ARL15: variants seen among roughly 807,000 people sequenced by gnomAD.
The protein encoded by ARL15 is ARF like GTPase 15.
Under a neutral mutation model 25.2 loss-of-function variants are expected in ARL15, and 19 were observed. The ratio of observed to expected loss-of-function variants is 0.75; its 90% CI spans 0.53 to 1.10. The LOEUF (loss-of-function observed/expected upper bound fraction) is 1.10, where lower values mean the gene tolerates loss of function less well. Ranked by LOEUF, ARL15 falls within the 50% of genes least tolerant of loss-of-function variation. The probability of loss-of-function intolerance (pLI) is 0.00; values close to 1 mark genes in which losing one functional copy is unlikely to be tolerated. For synonymous variants in ARL15, 94 were observed against 86.8 expected (o/e 1.08, Z -0.46); for missense variants, 220 against 246.0 (o/e 0.89, Z 0.71).
chr5:53,919,243 C>G lies in ARL15; in HGVS notation c.463-32530G>C, dbSNP rs367643880. Among the ~76,000 whole-genome samples, 15 of 152,262 alleles carry G rather than the reference C, an allele frequency of 9.9e-5. No homozygotes were observed. The South Asian group carries it at 3.1e-3, about 32-fold the overall frequency. ...CGAGGTGTGTGCCAAAGGTGTTATC[C>G]AATATACTGAGTGGTAAATAGCAAA... On this transcript the variant is annotated intron_variant, in intron 4 of 4. Coordinates refer to ENST00000504924, the MANE Select transcript of ARL15 (RefSeq NM_019087.3).
At chr5:54,114,403 C>CAAAAAAAAAAA (rs1326500976) in intron 3 of ARL15, among the ~76,000 whole-genome samples, 1 of 3,686 alleles carries the variant, frequency 2.7e-4, no homozygotes, top group African/African-American at 1.8e-3. Context: ...GGCTCCATCT[C>CAAAAAAAAAAA]AAGAAAAAAA....
intron 4 of ARL15, among the ~76,000 whole-genome samples, chr5:53,963,410 C>T (rs529548928): frequency 1.3e-5 from 2 of 152,246 alleles, no homozygotes; most frequent in South Asian, 4.1e-4. Flanking sequence ...GGTCTTCTGA[C>T]ATGAAAGGCA....
chr5:54,084,433 A>AG (rs1027553931), intron 4 of ARL15, among the ~76,000 whole-genome samples: 1 of 151,710 alleles, frequency 6.6e-6, no homozygotes, highest in Non-Finnish European at 1.5e-5. Context: ...TCAAAAAAAA[A>AG]AAAAAGAGAG....
chr5:53,917,330 A>G (rs1357170867), intron 4 of ARL15, among the ~76,000 whole-genome samples: 5 of 152,196 alleles, frequency 3.3e-5, no homozygotes, highest in African/African-American at 1.2e-4. Flanking sequence ...TTGATGGAGA[A>G]TTACTCCATT....
chr5:54,161,464 T>C (rs1276015757), intron 2 of ARL15, among the ~76,000 whole-genome samples: 1 of 152,232 alleles, frequency 6.6e-6, no homozygotes, highest in Non-Finnish European at 1.5e-5. Context: ...TTACCAGCAC[T>C]GACTCGTCTC....
chr5:54,230,358 A>AAAAAG (rs1288489069), intron 1 of ARL15, among the ~76,000 whole-genome samples: 21 of 151,002 alleles, frequency 1.4e-4, no homozygotes, highest in East Asian at 5.8e-4. Flanking sequence ...AAAAAAAAAA[A>AAAAAG]AAAAGAAAAG....
At chr5:54,299,704 C>T (rs1161489788) in intron 1 of ARL15, among the ~76,000 whole-genome samples, 1 of 150,942 alleles carries the variant, frequency 6.6e-6, no homozygotes, top group Non-Finnish European at 1.5e-5. Flanking sequence ...ATTCTCCTGC[C>T]TCAGCTTCCC....
intron 1 of ARL15, among the ~76,000 whole-genome samples, chr5:54,304,860 C>A (rs1379021031): frequency 6.6e-6 from 1 of 150,534 alleles, no homozygotes; most frequent in Non-Finnish European, 1.5e-5. Context: ...TTTTTTTTAT[C>A]AATAAAGAAG....
chr5:54,232,872 C>A (rs1756710306), intron 1 of ARL15, among the ~76,000 whole-genome samples: 2 of 152,200 alleles, frequency 1.3e-5, no homozygotes, highest in Non-Finnish European at 2.9e-5. Flanking sequence ...ACACCCAGTT[C>A]TATGCTTCTC....
intron 3 of ARL15, among the ~76,000 whole-genome samples, chr5:54,117,649 A>T (rs767178071): frequency 6.6e-5 from 10 of 152,196 alleles, no homozygotes; most frequent in Non-Finnish European, 1.3e-4. Context: ...ATACCAAAGT[A>T]GACAGTTGAT....
chr5:53,897,267 T>C (rs1438231797), intron 4 of ARL15, among the ~76,000 whole-genome samples: 1 of 152,210 alleles, frequency 6.6e-6, no homozygotes, highest in Non-Finnish European at 1.5e-5. Flanking sequence ...CTTCAGCCTT[T>C]AGCAACCACT....
intron 1 of ARL15, among the ~76,000 whole-genome samples, chr5:54,233,480 G>A (rs2112559850): frequency 6.6e-6 from 1 of 152,278 alleles, no homozygotes; most frequent in Non-Finnish European, 1.5e-5. Context: ...TCATGAACTT[G>A]ACATATTTAC....
At chr5:54,188,197 C>A (rs2112449741) in intron 1 of ARL15, among the ~76,000 whole-genome samples, 1 of 152,208 alleles carries the variant, frequency 6.6e-6, no homozygotes, top group South Asian at 2.1e-4. Flanking sequence ...AATAAAGGTC[C>A]TTGGCTAACA....
chr5:53,898,760 T>C (rs1162751021), intron 4 of ARL15, among the ~76,000 whole-genome samples: 1 of 151,710 alleles, frequency 6.6e-6, no homozygotes, highest in Non-Finnish European at 1.5e-5. Context: ...GCCTGGAACC[T>C]TCCAACCTCA....
intron 1 of ARL15, among the ~76,000 whole-genome samples, chr5:54,298,662 G>A (rs752051461): frequency 3.3e-5 from 5 of 151,790 alleles, no homozygotes; most frequent in South Asian, 2.1e-4. Flanking sequence ...AATCGGCACC[G>A]CAACAAGGCC....
chr5:54,182,675 A>G (rs1437164250), intron 1 of ARL15, among the ~76,000 whole-genome samples: 1 of 151,450 alleles, frequency 6.6e-6, no homozygotes, highest in Non-Finnish European at 1.5e-5. Flanking sequence ...GTTTTTTCCA[A>G]TTCTGTGAAG....
At chr5:54,211,041 A>G (rs1286654647) in intron 1 of ARL15, among the ~76,000 whole-genome samples, 1 of 152,240 alleles carries the variant, frequency 6.6e-6, no homozygotes, top group Non-Finnish European at 1.5e-5. Flanking sequence ...ATAAGATGTT[A>G]TATCTTTACA....
In ARL15 at chr5:53,907,488, AT is replaced by A. The variant is rs869174212; in HGVS notation, c.463-20776del. On this transcript the variant is annotated intron_variant, in intron 4 of 4. Coordinates refer to ENST00000504924, the MANE Select transcript of ARL15 (RefSeq NM_019087.3). ...TATATATATATATATATATATATATATTTTTTTTTTTTTTTTTTTTTTTTTT... is the reference window on the plus strand; with the variant it reads ...TATATATATATATATATATATATATATTTTTTTTTTTTTTTTTTTTTTTTT... Among the ~76,000 whole-genome samples, 11 of 17,986 alleles carry A rather than the reference AT, an allele frequency of 6.1e-4. No homozygotes were observed. In the East Asian group the frequency reaches 7.9e-3, roughly 13 times the overall value. 11.8% of individuals were successfully genotyped at this position (17,986 alleles called of 152,430 possible).
At chr5:53,899,172 C>A (rs1392251896) in intron 4 of ARL15, among the ~76,000 whole-genome samples, 1 of 151,366 alleles carries the variant, frequency 6.6e-6, no homozygotes, top group Non-Finnish European at 1.5e-5. Context: ...CATGGTGAAA[C>A]CCCATCTCTA....
Sources: allele counts gnomAD v4.1 joint callset (sites outside exome capture counted in the v4.1 genomes callset), GRCh38; gene constraint gnomAD v4.1.1; transcripts MANE v1.5; gene names NCBI Gene and HGNC (gene_info 2026-07-23, HGNC 2026-07-21).